The following NUBPL variants were observed in gnomAD, a reference collection of about 807,000 sequenced individuals.
NUBPL encodes the protein iron-sulfur cluster transfer protein NUBPL.
NUBPL carries 31 observed loss-of-function variants against 45.7 expected under a neutral mutation model. That is an observed-to-expected ratio of 0.68 (90% CI 0.51 to 0.92). The LOEUF (loss-of-function observed/expected upper bound fraction) is 0.92. NUBPL is among the 40% of genes least tolerant of loss of function. NUBPL has a pLI of 0.00. For missense variants in NUBPL, 401 were observed against 398.7 expected, an observed-to-expected ratio of 1.01 and a Z score of -0.05; for synonymous variants, 144 against 140.9, an observed-to-expected ratio of 1.02 and a Z score of -0.15.
intron 6 of NUBPL, among the ~76,000 whole-genome samples, chr14:31,728,736 T>C (rs556077623): frequency 6.6e-6 from 1 of 152,328 alleles, no homozygotes; most frequent in South Asian, 2.1e-4. Flanking sequence ...ACTTGGTTGA[T>C]TGCTATCCCT....
At chr14:31,645,373 G>A (rs2035819415) in intron 4 of NUBPL, among the ~76,000 whole-genome samples, 1 of 152,106 alleles carries the variant, frequency 6.6e-6, no homozygotes. Context: ...GCTGTGAGGT[G>A]CATTTCTAAT....
rs115772088 is a variant in NUBPL at position 31,782,159 on chromosome 14, G to A, written c.514-5621G>A. Among the ~76,000 whole-genome samples the A allele has an allele frequency of 6.5e-3, 996 of 152,234 alleles. 12 individuals carry two copies. Among genetic ancestry groups the A allele is most frequent in the African/African-American group, 0.022 (933 of 41,536 alleles). ...CGCCTGTAATCCCAACAGTTTGGGAGGCCGAGGCAGGCATATCACGAGGTT... is the reference window on the plus strand; with the variant it reads ...CGCCTGTAATCCCAACAGTTTGGGAAGCCGAGGCAGGCATATCACGAGGTT... On this transcript the variant is annotated intron_variant, in intron 6 of 10. Transcript: ENST00000281081.
chr14:31,771,523 C>T (rs895098624), intron 6 of NUBPL, among the ~76,000 whole-genome samples: 3 of 152,166 alleles, frequency 2.0e-5, no homozygotes, highest in African/African-American at 7.2e-5. Flanking sequence ...ATTTGAAGAA[C>T]AGTGATGCTG....
At chr14:31,669,152 TG>T (rs1209135032) in intron 4 of NUBPL, among the ~76,000 whole-genome samples, 1 of 152,210 alleles carries the variant, frequency 6.6e-6, no homozygotes, top group African/African-American at 2.4e-5. Context: ...CATGCACCAC[TG>T]TGCCTGGCTT....
At position 31,778,627 on chromosome 14, in the gene NUBPL, G is replaced by A. The variant is rs138948049; in HGVS notation, c.514-9153G>A. 9.8e-4 allele frequency among the ~76,000 whole-genome samples: 150 copies of A among 152,330 alleles called. 1 individual carries two copies. Among genetic ancestry groups the A allele is most frequent in the African/African-American group, 3.4e-3 (142 of 41,572 alleles). On this transcript the variant is annotated intron_variant, in intron 6 of 10. Transcript: ENST00000281081. ...TTCCCAGGTTGATATAATTTTTCCA[G>A]TAAGGTTTAACTACTGCCATTGCTG...
chr14:31,825,763 T>C (rs988846069), intron 7 of NUBPL, among the ~76,000 whole-genome samples: 1 of 151,348 alleles, frequency 6.6e-6, no homozygotes, highest in African/African-American at 2.4e-5. Context: ...TTTTCTTCTT[T>C]CTTCTTCCTC....
chr14:31,834,861 T>C (rs971407369), intron 8 of NUBPL, among the ~76,000 whole-genome samples: 2 of 152,224 alleles, frequency 1.3e-5, no homozygotes, highest in Non-Finnish European at 2.9e-5. Context: ...GAAGTCAGCT[T>C]TCCAGAGCCC....
At chr14:31,573,123 C>T (rs1296095205) in intron 3 of NUBPL, among the ~76,000 whole-genome samples, 1 of 152,168 alleles carries the variant, frequency 6.6e-6, no homozygotes, top group Non-Finnish European at 1.5e-5. Context: ...TTTACACCAA[C>T]ATCACCATAA....
At position 31,807,014 on chromosome 14, in the gene NUBPL, T is replaced by A. The variant is rs565529480; in HGVS notation, c.607+19141T>A. Among the ~76,000 whole-genome samples, 37 of 152,236 alleles carry A rather than the reference T, an allele frequency of 2.4e-4. 1 individual carries two copies. The South Asian group carries it at 6.0e-3, about 25-fold the overall frequency. On this transcript the variant is annotated intron_variant, in intron 7 of 10. Coordinates refer to ENST00000281081, the MANE Select transcript of NUBPL (RefSeq NM_025152.3). Reference sequence around the variant, plus strand: ...TATGTGCCACATTTTCTTAATCCAGTCTATCACTGATGGACATTTGGGTTG... The same window carrying A: ...TATGTGCCACATTTTCTTAATCCAGACTATCACTGATGGACATTTGGGTTG...
intron 4 of NUBPL, among the ~76,000 whole-genome samples, chr14:31,607,042 A>T (rs537768109): frequency 6.6e-6 from 1 of 152,272 alleles, no homozygotes; most frequent in South Asian, 2.1e-4. Context: ...GTGATGTTTC[A>T]TTGGGAAACT....
intron 4 of NUBPL, chr14:31,662,259 TATTA>T (rs1260993542): frequency 8.8e-6 from 1 of 114,154 alleles, no homozygotes; most frequent in African/African-American, 9.8e-5. Flanking sequence ...GCATTAAAAT[TATTA>T]ATTTTTAATA....
intron 4 of NUBPL, among the ~76,000 whole-genome samples, chr14:31,634,906 C>T (rs1165526055): frequency 2.0e-5 from 3 of 146,652 alleles, no homozygotes; most frequent in Non-Finnish European, 4.4e-5. Flanking sequence ...AGTGTCTGTT[C>T]ATATCCTTCG....
intron 2 of NUBPL, among the ~76,000 whole-genome samples, chr14:31,562,577 T>A (rs1167905275): frequency 1.3e-5 from 2 of 151,256 alleles, no homozygotes; most frequent in African/African-American, 4.9e-5. Context: ...CTGTTATTTT[T>A]AAAACATCTA....
intron 4 of NUBPL, among the ~76,000 whole-genome samples, chr14:31,633,259 C>T (rs1215114978): frequency 1.3e-5 from 2 of 152,194 alleles, no homozygotes. Flanking sequence ...CAACTGGCAG[C>T]CGAGGTGGGT....
chr14:31,842,461 G>T (rs2040391906), intron 8 of NUBPL, among the ~76,000 whole-genome samples: 1 of 151,992 alleles, frequency 6.6e-6, no homozygotes, highest in Non-Finnish European at 1.5e-5. Context: ...CATATAAAGG[G>T]TTCTTTAGTT....
At chr14:31,766,919 G>T (rs1310695928) in intron 6 of NUBPL, among the ~76,000 whole-genome samples, 2 of 151,874 alleles carry the variant, frequency 1.3e-5, no homozygotes, top group Non-Finnish European at 2.9e-5. Flanking sequence ...ATGGCAAAGA[G>T]GAAGAAAGAG....
intron 4 of NUBPL, among the ~76,000 whole-genome samples, chr14:31,604,070 TTTC>T (rs1402471637): frequency 1.3e-5 from 2 of 152,130 alleles, no homozygotes; most frequent in Non-Finnish European, 1.5e-5. Flanking sequence ...CTTTAATTTC[TTTC>T]TTCTTGTTTT....
At chr14:31,641,059 C>G (rs938815742) in intron 4 of NUBPL, among the ~76,000 whole-genome samples, 14 of 152,084 alleles carry the variant, frequency 9.2e-5, no homozygotes, top group Non-Finnish European at 1.6e-4. Flanking sequence ...TCAAGTGATT[C>G]TTCTGCCTCA....
chr14:31,640,726 T>C (rs1428809664), intron 4 of NUBPL, among the ~76,000 whole-genome samples: 1 of 152,170 alleles, frequency 6.6e-6, no homozygotes, highest in Non-Finnish European at 1.5e-5. Context: ...TGTTGATACA[T>C]AATACGTGTG....
Sources: allele counts gnomAD v4.1 joint callset (sites outside exome capture counted in the v4.1 genomes callset), GRCh38; gene constraint gnomAD v4.1.1; transcripts MANE v1.5; gene names NCBI Gene and HGNC (gene_info 2026-07-23, HGNC 2026-07-21).